The following TSGA10 variants were observed in gnomAD, a reference collection of about 807,000 sequenced individuals.
TSGA10 encodes testis-specific gene 10 protein.
TSGA10 carries 43 observed loss-of-function variants against 96.6 expected under a neutral mutation model. That is an observed-to-expected ratio of 0.44 (90% CI 0.35 to 0.57). TSGA10 has a LOEUF of 0.57. Among genes scored for constraint, TSGA10 ranks in the 20% least tolerant of loss-of-function variants. TSGA10 has a pLI of 0.01. For missense variants in TSGA10, 703 were observed against 834.4 expected (o/e 0.84, Z 1.94); for synonymous variants, 229 against 269.9 (o/e 0.85, Z 1.48).
chr2:99,064,143 T>A (rs1383019475), intron 16 of TSGA10, among the ~76,000 whole-genome samples: 3 of 152,198 alleles, frequency 2.0e-5, no homozygotes, highest in Admixed American at 6.5e-5. Context: ...TATAGCTTTT[T>A]AAAATTCACT....
At chr2:99,047,148 G>A (rs1464556352) in intron 16 of TSGA10, among the ~76,000 whole-genome samples, 10 of 152,138 alleles carry the variant, frequency 6.6e-5, no homozygotes, top group Non-Finnish European at 1.3e-4. Flanking sequence ...AGAGGCACAA[G>A]GAGGAGCTGG....
chr2:99,059,913 CAAAAAAAA>C (rs35460548), intron 16 of TSGA10, among the ~76,000 whole-genome samples: 1 of 54,458 alleles, frequency 1.8e-5, no homozygotes, highest in African/African-American at 6.4e-5. Context: ...GACCCCATCT[CAAAAAAAA>C]AAAAAAAAAA....
chr2:99,147,579 A>G (rs912643409), intron 1 of TSGA10: 9 of 1,130,360 alleles, frequency 8.0e-6, no homozygotes, highest in Non-Finnish European at 1.1e-5. Context: ...GTGCAAATTG[A>G]TAATTATATG....
At chr2:99,107,187 C>G (rs2091431276) in intron 7 of TSGA10, among the ~76,000 whole-genome samples, 1 of 152,184 alleles carries the variant, frequency 6.6e-6, no homozygotes, top group Admixed American at 6.5e-5. Flanking sequence ...CAAATCATGT[C>G]AAATCTTCCT....
rs957401025 is a variant in TSGA10, at chr2:99,132,636, T to C, written c.-620-5460A>G. 4.6e-5 allele frequency among the ~76,000 whole-genome samples: 7 copies of C among 152,316 alleles called. No individual in the cohort carries two copies. In the East Asian group the frequency reaches 1.4e-3, roughly 29 times the overall value. On this transcript the variant is annotated intron_variant, in intron 1 of 20. Transcript: ENST00000393483. ...GTTCTGCTCTGATCTTAGTTACTTCTTATCTTCTGCTAGCTTTTGAATTTG... is the reference window on the plus strand; with the variant it reads ...GTTCTGCTCTGATCTTAGTTACTTCCTATCTTCTGCTAGCTTTTGAATTTG...
intron 17 of TSGA10, among the ~76,000 whole-genome samples, chr2:99,023,555 A>G (rs1388771578): frequency 1.3e-5 from 2 of 152,210 alleles, no homozygotes; most frequent in Admixed American, 6.5e-5. Context: ...ATATAGCCCT[A>G]TGATTCATTT....
At chr2:99,142,973 A>C (rs1288382809) in intron 1 of TSGA10, among the ~76,000 whole-genome samples, 5 of 152,064 alleles carry the variant, frequency 3.3e-5, no homozygotes, top group Non-Finnish European at 1.5e-5. Context: ...AAAGAATATA[A>C]GGAAATGATC....
At chr2:99,089,740 A>G (rs1261569329) in intron 10 of TSGA10, among the ~76,000 whole-genome samples, 1 of 152,140 alleles carries the variant, frequency 6.6e-6, no homozygotes, top group Non-Finnish European at 1.5e-5. Context: ...CATCCCCCAG[A>G]GCAGTGGTAG....
intron 20 of TSGA10, among the ~76,000 whole-genome samples, chr2:99,004,697 G>A (rs1300397431): frequency 2.0e-5 from 3 of 151,870 alleles, no homozygotes; most frequent in Non-Finnish European, 4.4e-5. Context: ...ATTCACAGCC[G>A]AATTCTACCA....
chr2:99,102,212 G>A (rs1476778708), intron 10 of TSGA10: 27 of 1,608,048 alleles, frequency 1.7e-5, no homozygotes. Context: ...AGGTATCCAA[G>A]AACTTCAGTG....
Position 99,020,359 on chromosome 2 carries a change from G to A in TSGA10, c.1738C>T (p.Gln580Ter), listed in dbSNP as rs781476722. 2 of 1,613,706 alleles carry A rather than the reference G, an allele frequency of 1.2e-6. No homozygotes were observed. The highest frequency in any genetic ancestry group is 1.7e-6 in the Non-Finnish European group (2 of 1,179,740). ...TTTTCTTGAAGTGCTATCTGAGACTGATATTCTTTGTCTCGATTGGCCACC... is the reference window on the plus strand; with the variant it reads ...TTTTCTTGAAGTGCTATCTGAGACTAATATTCTTTGTCTCGATTGGCCACC... ...LLVANRDKEY[Q>*]SQIALQEKES... The change falls in exon 18 of 21, where the codon CAG (glutamine) becomes TAG (stop). Residue 580 changes from glutamine (Q) to a stop codon, truncating the protein, a stop_gained. Transcript: ENST00000393483. LOFTEE classifies it high-confidence loss of function.
chr2:99,087,061 A>G (rs10164941), intron 10 of TSGA10, among the ~76,000 whole-genome samples: 49,407 of 151,682 alleles, frequency 0.33, 8,673 homozygotes, highest in African/African-American at 0.44. Flanking sequence ...AAAATTAGCC[A>G]CGTGTGGTGG....
At chr2:99,065,400 T>C (rs1390240229) in intron 15 of TSGA10, among the ~76,000 whole-genome samples, 1 of 152,144 alleles carries the variant, frequency 6.6e-6, no homozygotes, top group Non-Finnish European at 1.5e-5. Context: ...CTGAATGAAT[T>C]TGTTCTTATA....
intron 16 of TSGA10, among the ~76,000 whole-genome samples, chr2:99,041,550 C>T (rs950489595): frequency 6.6e-5 from 10 of 152,058 alleles, no homozygotes; most frequent in Admixed American, 3.3e-4. Flanking sequence ...AAGTGATCTT[C>T]GAGAGAGCAA....
At chr2:99,095,770 A>C (rs2089971125) in intron 10 of TSGA10, among the ~76,000 whole-genome samples, 1 of 152,298 alleles carries the variant, frequency 6.6e-6, no homozygotes, top group Admixed American at 6.5e-5. Flanking sequence ...CCTCCCCAGT[A>C]GCTGGGATTA....
intron 10 of TSGA10, among the ~76,000 whole-genome samples, chr2:99,089,271 G>A (rs2088972602): frequency 6.6e-6 from 1 of 152,324 alleles, no homozygotes; most frequent in Middle Eastern, 3.4e-3. Context: ...CCCCAGGGAA[G>A]CCATCTCTGA....
At chr2:99,062,675 C>T (rs866930896) in intron 16 of TSGA10, among the ~76,000 whole-genome samples, 16 of 152,082 alleles carry the variant, frequency 1.1e-4, no homozygotes, top group African/African-American at 3.4e-4. Context: ...TTGGAGGCTG[C>T]GGTGAGCTAT....
intron 17 of TSGA10, 99 bp from the exon 18 acceptor site, chr2:99,020,581 T>C: frequency 9.9e-6 from 8 of 805,290 alleles, no homozygotes; most frequent in Non-Finnish European, 1.6e-5. Context: ...TGTTATAAAC[T>C]GGCAACTACT....
intron 20 of TSGA10, among the ~76,000 whole-genome samples, chr2:99,012,557 A>G (rs1044740047): frequency 6.6e-6 from 1 of 152,198 alleles, no homozygotes; most frequent in African/African-American, 2.4e-5. Flanking sequence ...CAGACTTTAA[A>G]GCAACATCAG....
Sources: gnomAD v4.1 joint callset for allele counts (sites outside exome capture counted in the v4.1 genomes callset) on GRCh38, gnomAD v4.1.1 for gene constraint, MANE v1.5 for transcripts, NCBI Gene and HGNC (gene_info 2026-07-23, HGNC 2026-07-21) for gene names.